ZFHX3: variants seen among roughly 807,000 people sequenced by gnomAD.
The protein encoded by ZFHX3 is zinc finger homeobox 3.
ZFHX3 carries 42 observed loss-of-function variants against 279.1 expected under a neutral mutation model. The observed-to-expected ratio is 0.15, with a 90% CI of 0.12 to 0.19. ZFHX3 has a LOEUF of 0.19. Ranked by LOEUF, ZFHX3 falls within the 10% of genes least tolerant of loss-of-function variation. ZFHX3 has a pLI of 1.00. For missense variants in ZFHX3, 4,981 were observed against 4,754.0 expected (o/e 1.05, Z -1.40); for synonymous variants, 2,293 against 1,957.8 (o/e 1.17, Z -4.52).
intron 2 of ZFHX3, among the ~76,000 whole-genome samples, chr16:73,663,639 A>G (rs2052807327): frequency 1.3e-5 from 2 of 152,248 alleles, no homozygotes; most frequent in Admixed American, 6.5e-5. Context: ...ACATAAATGC[A>G]TCCCTAAGAC....
At chr16:73,106,335 A>C (rs1364855622) in intron 7 of ZFHX3, among the ~76,000 whole-genome samples, 3 of 152,070 alleles carry the variant, frequency 2.0e-5, no homozygotes, top group Non-Finnish European at 2.9e-5. Context: ...CTCTGAGAAG[A>C]CCTTAAATGC....
intron 3 of ZFHX3, among the ~76,000 whole-genome samples, chr16:72,919,713 T>C (rs887924165): frequency 2.7e-5 from 4 of 150,552 alleles, no homozygotes; most frequent in African/African-American, 7.3e-5. Context: ...GATCTGTATA[T>C]GTAACATTTT....
At chr16:73,485,270 T>C (rs1406350458) in intron 2 of ZFHX3, among the ~76,000 whole-genome samples, 1 of 152,102 alleles carries the variant, frequency 6.6e-6, no homozygotes, top group African/African-American at 2.4e-5. Flanking sequence ...ACCATGATAC[T>C]GGTTTCTTTC....
Position 72,958,989 on chromosome 16 carries a change from C to T in ZFHX3, c.1157G>A (p.Gly386Asp). The T allele has an allele frequency of 1.9e-6, 3 of 1,606,272 alleles. No homozygotes were observed. Among genetic ancestry groups the T allele is most frequent in the South Asian group, 1.1e-5 (1 of 89,790 alleles). Residue 386 changes from glycine (G) to aspartate (D), a missense_variant, in exon 2 of 10, where the codon GGC becomes GAC. By Grantham distance (94) the Gly-to-Asp change is moderately conservative. Transcript: ENST00000268489. ...EEALPAGSAA[G>D]PEQPQAGLLT... ...GAGACCAGCCTGGGGCTGCTCGGGGCCAGCGGCGGAGCCCGCTGGGAGAGC... is the reference window on the plus strand; with the variant it reads ...GAGACCAGCCTGGGGCTGCTCGGGGTCAGCGGCGGAGCCCGCTGGGAGAGC...
At chr16:73,483,433 G>A (rs1426492063) in intron 2 of ZFHX3, 1 of 453,888 alleles carries the variant, frequency 2.2e-6, no homozygotes, top group African/African-American at 2.0e-5. Flanking sequence ...ATGAGAAGGA[G>A]GTAATCAAGA....
intron 1 of ZFHX3, among the ~76,000 whole-genome samples, chr16:73,768,075 C>G (rs749758381): frequency 6.6e-6 from 1 of 152,130 alleles, no homozygotes; most frequent in Non-Finnish European, 1.5e-5. Context: ...TCAGGGCCTT[C>G]GGTCAAAGTG....
intron 5 of ZFHX3, among the ~76,000 whole-genome samples, chr16:72,817,761 T>C (rs532681261): frequency 6.6e-6 from 1 of 152,318 alleles, no homozygotes; most frequent in South Asian, 2.1e-4. Flanking sequence ...GCTGATCCTC[T>C]TCCTTTTTGG....
chr16:72,822,190 G>A (rs575913561), intron 5 of ZFHX3, among the ~76,000 whole-genome samples: 1 of 152,188 alleles, frequency 6.6e-6, no homozygotes, highest in African/African-American at 2.4e-5. Flanking sequence ...GCACTTGCTA[G>A]GTGCTGGGGA....
At chr16:73,716,112 A>C (rs1483670008) in intron 1 of ZFHX3, among the ~76,000 whole-genome samples, 1 of 152,162 alleles carries the variant, frequency 6.6e-6, no homozygotes, top group Admixed American at 6.5e-5. Context: ...TCCTGCTAAG[A>C]AAAAAAGTAA....
At chr16:73,158,420 G>A (rs757857870) in intron 5 of ZFHX3, among the ~76,000 whole-genome samples, 3 of 151,230 alleles carry the variant, frequency 2.0e-5, no homozygotes, top group East Asian at 1.9e-4. Flanking sequence ...TTTCTTTCTC[G>A]CTCCCTTCCT....
chr16:72,966,317 G>T (rs142506447), intron 1 of ZFHX3, among the ~76,000 whole-genome samples: 2 of 152,328 alleles, frequency 1.3e-5, no homozygotes, highest in Admixed American at 6.5e-5. Context: ...CAAAACTTTA[G>T]ATGGAAAAAC....
intron 1 of ZFHX3, among the ~76,000 whole-genome samples, chr16:73,758,489 G>T (rs1276016835): frequency 2.0e-5 from 3 of 152,142 alleles, no homozygotes; most frequent in African/African-American, 7.2e-5. Context: ...CTGATAACAG[G>T]GTGGCTCATA....
intron 2 of ZFHX3, among the ~76,000 whole-genome samples, chr16:73,596,195 G>A (rs1045944583): frequency 6.6e-6 from 1 of 151,548 alleles, no homozygotes; most frequent in Non-Finnish European, 1.5e-5. Flanking sequence ...CTAATTTTTC[G>A]TATTTTTAGT....
intron 1 of ZFHX3, among the ~76,000 whole-genome samples, chr16:73,873,622 T>C (rs1215619603): frequency 6.6e-6 from 1 of 152,148 alleles, no homozygotes; most frequent in Non-Finnish European, 1.5e-5. Flanking sequence ...GAAATGCAAA[T>C]GGTAGATGGC....
At chr16:73,823,788 G>A (rs1960819216) in intron 1 of ZFHX3, among the ~76,000 whole-genome samples, 2 of 152,160 alleles carry the variant, frequency 1.3e-5, no homozygotes, top group African/African-American at 4.8e-5. Context: ...AAATCAATGG[G>A]ACAAGAGAAA....
chr16:73,800,036 T>C (rs898871928), intron 1 of ZFHX3, among the ~76,000 whole-genome samples: 1 of 152,060 alleles, frequency 6.6e-6, no homozygotes, highest in African/African-American at 2.4e-5. Flanking sequence ...AATTTGTATA[T>C]TAAAAATTTT....
intron 5 of ZFHX3, among the ~76,000 whole-genome samples, chr16:73,246,540 T>C (rs1279827472): frequency 2.6e-5 from 4 of 152,172 alleles, no homozygotes; most frequent in African/African-American, 9.7e-5. Flanking sequence ...GTCTCCTCCA[T>C]GACCATAGCC....
rs553175511 is a variant in ZFHX3, at chr16:72,988,942, A to G, written c.-49-28748T>C. 2.3e-3 allele frequency among the ~76,000 whole-genome samples: 343 copies of G among 152,276 alleles called. 1 individual carries two copies. Among genetic ancestry groups the G allele is most frequent in the Non-Finnish European group, 4.1e-3 (278 of 68,006 alleles). The stretch of plus-strand genomic sequence containing the variant: ...TACAATTCCAGCACTTTGGGAGGCC[A>G]AAGTGGGAGGATCACAGGAGCCCCT... On this transcript the variant is annotated intron_variant, in intron 1 of 9. Transcript: ENST00000268489.
intron 2 of ZFHX3, among the ~76,000 whole-genome samples, chr16:73,506,802 T>C (rs1296151736): frequency 6.6e-6 from 1 of 152,218 alleles, no homozygotes; most frequent in African/African-American, 2.4e-5. Flanking sequence ...TGTATGATCC[T>C]GTAAATTATT....
Sources: allele counts gnomAD v4.1 joint callset (sites outside exome capture counted in the v4.1 genomes callset), GRCh38; gene constraint gnomAD v4.1.1; transcripts MANE v1.5; gene names NCBI Gene and HGNC (gene_info 2026-07-23, HGNC 2026-07-21).